Variants in CHD9 observed in about 807,000 individuals in gnomAD.
The protein encoded by CHD9 is ATP-dependent chromatin remodeler CHD9.
A neutral mutation model predicts 316.1 loss-of-function variants in CHD9; 77 were observed. The ratio of observed to expected loss-of-function variants is 0.24; its 90% CI spans 0.20 to 0.29. The LOEUF (loss-of-function observed/expected upper bound fraction) is 0.29. Among genes scored for constraint, CHD9 ranks in the 10% least tolerant of loss-of-function variants. CHD9 has a pLI of 1.00. For missense variants in CHD9, 2,763 were observed against 3,438.1 expected, an observed-to-expected ratio of 0.80 and a Z score of 4.91; for synonymous variants, 1,129 against 1,158.3, an observed-to-expected ratio of 0.97 and a Z score of 0.51.
intron 38 of CHD9, among the ~76,000 whole-genome samples, chr16:53,322,608 A>G (rs1025489982): frequency 1.3e-5 from 2 of 151,782 alleles, no homozygotes; most frequent in African/African-American, 4.8e-5. Flanking sequence ...AAAAAAAAAC[A>G]TATCTTAGAA....
At chr16:53,278,191 A>G (rs538045661) in intron 24 of CHD9, among the ~76,000 whole-genome samples, 1 of 152,188 alleles carries the variant, frequency 6.6e-6, no homozygotes, top group African/African-American at 2.4e-5. Context: ...GCCAAAAGCA[A>G]TCTACAAATT....
At chr16:53,288,662 G>A (rs886649377) in intron 27 of CHD9, among the ~76,000 whole-genome samples, 1 of 152,190 alleles carries the variant, frequency 6.6e-6, no homozygotes, top group South Asian at 2.1e-4. Flanking sequence ...GCTCCAGTGT[G>A]TGGGCAATGA....
chr16:53,324,715 G>A lies in CHD9; in HGVS notation c.8514G>A (p.Lys2838=). Reference sequence around the variant, plus strand: ...AAAACAGTGACTTAGGCTCGTCTAAGTCTGTAGAAGTAAAAGAAGAAGATT... The same window carrying A: ...AAAACAGTGACTTAGGCTCGTCTAAATCTGTAGAAGTAAAAGAAGAAGATT... ...QNKNSDLGSS[K]SVEVKEEDSR... is the part of the protein sequence containing the mutation. The change falls in exon 39 of 39, where the codon AAG becomes AAA. Residue 2838 remains lysine (K), a synonymous_variant. Transcript: ENST00000447540. 1 of 1,613,330 alleles carries A rather than the reference G, an allele frequency of 6.2e-7. No individual in the cohort carries two copies. Among genetic ancestry groups the A allele is most frequent in the South Asian group, 1.1e-5 (1 of 90,942 alleles).
At chr16:53,149,142 TA>T (rs1360300843) in intron 1 of CHD9, among the ~76,000 whole-genome samples, 1 of 152,238 alleles carries the variant, frequency 6.6e-6, no homozygotes, top group Non-Finnish European at 1.5e-5. Flanking sequence ...TGTAATATTT[TA>T]AAATGTTTTA....
chr16:53,117,238 A>T (rs890206231), intron 1 of CHD9, among the ~76,000 whole-genome samples: 32 of 152,292 alleles, frequency 2.1e-4, no homozygotes, highest in Admixed American at 1.1e-3. Flanking sequence ...TAAAATTTTT[A>T]AAAAAATTAA....
intron 1 of CHD9, among the ~76,000 whole-genome samples, chr16:53,060,582 A>T (rs1173251912): frequency 6.6e-6 from 1 of 152,074 alleles, no homozygotes; most frequent in Non-Finnish European, 1.5e-5. Flanking sequence ...ACATAGCAAG[A>T]CCCCATATCT....
chr16:53,091,008 C>A (rs28425645), intron 1 of CHD9, among the ~76,000 whole-genome samples: 64 of 151,454 alleles, frequency 4.2e-4, no homozygotes, highest in African/African-American at 1.2e-3. Context: ...CTCACCCCCC[C>A]CCGACTGACC....
chr16:53,140,264 CTGGCCAACA>C (rs1430573807), intron 1 of CHD9, among the ~76,000 whole-genome samples: 2 of 151,958 alleles, frequency 1.3e-5, no homozygotes, highest in Non-Finnish European at 2.9e-5. Flanking sequence ...CGAGACCAGC[CTGGCCAACA>C]TGGCAAAACC....
intron 37 of CHD9, chr16:53,319,810 C>CAAG: frequency 7.9e-7 from 1 of 1,262,248 alleles, no homozygotes; most frequent in Non-Finnish European, 1.0e-6. Flanking sequence ...CTCTCGGGTA[C>CAAG]AGGCTTAAGG....
At chr16:53,290,268 C>CA (rs1182592849) in intron 27 of CHD9, among the ~76,000 whole-genome samples, 3 of 151,354 alleles carry the variant, frequency 2.0e-5, no homozygotes, top group Non-Finnish European at 4.4e-5. Flanking sequence ...AGACCTGTCT[C>CA]AAAAAAAAGA....
intron 1 of CHD9, among the ~76,000 whole-genome samples, chr16:53,091,007 C>CG (rs555506167): frequency 6.6e-6 from 1 of 151,874 alleles, no homozygotes; most frequent in East Asian, 1.9e-4. Context: ...GCTCACCCCC[C>CG]CCCGACTGAC....
chr16:53,307,309 C>T lies in CHD9; in HGVS notation c.6781-372C>T, dbSNP rs990234302. On this transcript the variant is annotated intron_variant, in intron 32 of 38. Transcript: ENST00000447540. The stretch of plus-strand genomic sequence containing the variant: ...TGTGAGACACGGTCTTACTCTGTCA[C>T]CCAGGCTGGAGTATAGTGGCACAAT... Among the ~76,000 whole-genome samples, 5 of 152,050 alleles carry T rather than the reference C, an allele frequency of 3.3e-5. No individual in the cohort carries two copies. In the East Asian group the frequency reaches 9.7e-4, roughly 29 times the overall value.
chr16:53,090,812 G>A (rs910732937), intron 1 of CHD9, among the ~76,000 whole-genome samples: 2 of 152,146 alleles, frequency 1.3e-5, no homozygotes, highest in African/African-American at 4.8e-5. Context: ...TTTTCACAGT[G>A]GTGAGTGCCA....
At chr16:53,149,710 G>A (rs963939083) in intron 1 of CHD9, among the ~76,000 whole-genome samples, 1 of 138,114 alleles carries the variant, frequency 7.2e-6, no homozygotes, top group Non-Finnish European at 1.6e-5. Flanking sequence ...CATCACACTG[G>A]CTAATTTAAA....
chr16:53,135,910 TAAATC>T (rs999730980), intron 1 of CHD9, among the ~76,000 whole-genome samples: 10 of 151,782 alleles, frequency 6.6e-5, no homozygotes, highest in East Asian at 1.9e-4. Context: ...TTGAGAGAAA[TAAATC>T]AATATAATAT....
chr16:53,195,763 C>CT (rs553431442), intron 2 of CHD9, among the ~76,000 whole-genome samples: 6,833 of 125,710 alleles, frequency 0.054, 278 homozygotes, highest in African/African-American at 0.11. Flanking sequence ...TCAATGTATG[C>CT]TTTTTTTTTT....
At chr16:53,315,886 G>A (rs1201144658) in intron 36 of CHD9, among the ~76,000 whole-genome samples, 1 of 152,134 alleles carries the variant, frequency 6.6e-6, no homozygotes, top group Non-Finnish European at 1.5e-5. Flanking sequence ...CTCCTCTTAA[G>A]CTCTTCTTCA....
At position 53,274,704 on chromosome 16, in the gene CHD9, C is replaced by T. The variant is rs183581127; in HGVS notation, c.4967+402C>T. Among the ~76,000 whole-genome samples, 63 of 152,010 alleles carry T rather than the reference C, an allele frequency of 4.1e-4. 1 individual carries two copies. The East Asian group carries it at 0.011, about 27-fold the overall frequency. On this transcript the variant is annotated intron_variant, in intron 24 of 38. Transcript: ENST00000447540. ...AACTCCTGACCTCAGGTGATCCATCCGCCTTGGCCCCCCCACAAAGTGCTG... is the reference window on the plus strand; with the variant it reads ...AACTCCTGACCTCAGGTGATCCATCTGCCTTGGCCCCCCCACAAAGTGCTG...
Position 53,303,802 on chromosome 16 carries a change from G to A in CHD9, c.5796G>A (p.Arg1932=), listed in dbSNP as rs2055670245. The change falls in exon 31 of 39, where the codon AGG becomes AGA. Residue 1932 remains arginine, a synonymous_variant. Transcript: ENST00000447540. ...SRTLYRIELL[R]KVREQALRHP... ...CTTTGTATCGCATTGAACTTCTAAG[G>A]AAAGTACGGGAACAGGCCCTTCGAC... 3.1e-6 allele frequency: 5 copies of A among 1,613,888 alleles called. No homozygotes were observed. Among genetic ancestry groups the A allele is most frequent in the Non-Finnish European group, 4.2e-6 (5 of 1,179,894 alleles).
Sources: allele counts gnomAD v4.1 joint callset (sites outside exome capture counted in the v4.1 genomes callset), GRCh38; gene constraint gnomAD v4.1.1; transcripts MANE v1.5; gene names NCBI Gene and HGNC (gene_info 2026-07-23, HGNC 2026-07-21).